ADGRL3: variants seen among roughly 807,000 people sequenced by gnomAD.
ADGRL3 encodes adhesion G protein-coupled receptor L3.
In ADGRL3, 62 loss-of-function variants were observed where a neutral mutation model predicts 153.5. The ratio of observed to expected loss-of-function variants is 0.40; its 90% CI spans 0.33 to 0.50. The LOEUF (loss-of-function observed/expected upper bound fraction) is 0.50. Among genes scored for constraint, ADGRL3 ranks in the 20% least tolerant of loss-of-function variants. The probability of loss-of-function intolerance (pLI) is 0.47; values close to 1 mark genes in which losing one functional copy is unlikely to be tolerated. For synonymous variants in ADGRL3, 710 were observed against 672.5 expected (o/e 1.06, Z -0.86); for missense variants, 1,641 against 1,859.4 (o/e 0.88, Z 2.16).
At chr4:61,608,796 A>G (rs1442385660) in intron 5 of ADGRL3, among the ~76,000 whole-genome samples, 1 of 152,214 alleles carries the variant, frequency 6.6e-6, no homozygotes, top group Admixed American at 6.5e-5. Flanking sequence ...AATATGCAAC[A>G]GCATAGAGAT....
intron 9 of ADGRL3, among the ~76,000 whole-genome samples, chr4:61,815,378 A>G (rs543989543): frequency 2.0e-5 from 3 of 152,218 alleles, no homozygotes; most frequent in Non-Finnish European, 4.4e-5. Flanking sequence ...AGTTCGAGAT[A>G]TGAGAAACAT....
Position 61,555,020 on chromosome 4 carries a change from A to G in ADGRL3, c.260-32207A>G, listed in dbSNP as rs116024409. Among the ~76,000 whole-genome samples the G allele has an allele frequency of 8.4e-3, 1,283 of 152,332 alleles. 20 individuals are homozygous for G. The highest frequency in any genetic ancestry group is 0.028 in the African/African-American group (1,169 of 41,590). On this transcript the variant is annotated intron_variant, in intron 4 of 26. Transcript: ENST00000683033. ...GTTTAGTAAAGTTTGTCCCTCTGGT[A>G]GTAAGAGCTGTCTCATTTTCTTCTT...
At chr4:62,068,107 A>G in intron 25 of ADGRL3, 59 bp from the exon 26 acceptor site, 1 of 1,177,086 alleles carries the variant, frequency 8.5e-7, no homozygotes, top group Non-Finnish European at 1.2e-6. Flanking sequence ...TGTTTCTTCT[A>G]CTGTCGCTGT....
At chr4:61,205,803 G>A (rs984416366) in intron 1 of ADGRL3, among the ~76,000 whole-genome samples, 1 of 152,144 alleles carries the variant, frequency 6.6e-6, no homozygotes, top group Non-Finnish European at 1.5e-5. Flanking sequence ...TTCATTCATT[G>A]TAATACATTG....
chr4:61,480,211 A>G (rs2098117246), intron 2 of ADGRL3, among the ~76,000 whole-genome samples: 1 of 152,002 alleles, frequency 6.6e-6, no homozygotes, highest in African/African-American at 2.4e-5. Flanking sequence ...GCCACTGTCA[A>G]CTCTCATTCT....
intron 1 of ADGRL3, among the ~76,000 whole-genome samples, chr4:61,350,792 C>G (rs1017398677): frequency 6.6e-6 from 1 of 152,100 alleles, no homozygotes; most frequent in Non-Finnish European, 1.5e-5. Flanking sequence ...TATGCATGTC[C>G]TGGCTGCTCC....
chr4:61,473,223 G>C (rs1037653875), intron 2 of ADGRL3, among the ~76,000 whole-genome samples: 1 of 149,422 alleles, frequency 6.7e-6, no homozygotes. Flanking sequence ...GTGTGTGTGT[G>C]TGTGTGTGTG....
rs200169291 is a variant in ADGRL3, at chr4:61,850,311, A to AG, written c.1480+36422_1480+36423insG. Among the ~76,000 whole-genome samples, 1,003 of 152,274 alleles carry AG rather than the reference A, an allele frequency of 6.6e-3. 6 individuals are homozygous for AG. Among genetic ancestry groups the AG allele is most frequent in the African/African-American group, 0.021 (861 of 41,576 alleles). ...GAAATTAAATATCGGTTGGTGCAAAACAATTGCAGTTTTGCCAATGGCTTT... is the reference window on the plus strand; with the variant it reads ...GAAATTAAATATCGGTTGGTGCAAAAGCAATTGCAGTTTTGCCAATGGCTTT... On this transcript the variant is annotated intron_variant, in intron 9 of 26. Coordinates refer to ENST00000683033, the MANE Select transcript of ADGRL3 (RefSeq NM_001387552.1).
intron 5 of ADGRL3, among the ~76,000 whole-genome samples, chr4:61,642,829 T>G (rs540097209): frequency 3.9e-5 from 6 of 152,270 alleles, no homozygotes; most frequent in South Asian, 4.1e-4. Context: ...GTGAAGAAAG[T>G]CATTGGTAGC....
At position 61,465,758 on chromosome 4, in the gene ADGRL3, A is replaced by AATAAATATATAT. The variant is rs71664991; in HGVS notation, c.-173-31360_-173-31359insAATATATATATA. On this transcript the variant is annotated intron_variant, in intron 2 of 26. Coordinates refer to ENST00000683033, the MANE Select transcript of ADGRL3 (RefSeq NM_001387552.1). ...ACTCTGGATTTTAAAATTATATATA[A>AATAAATATATAT]ATATATATATATATATATATCTTAT... is the stretch of plus-strand genomic sequence containing the variant. Among the ~76,000 whole-genome samples, 274 of 130,152 alleles carry AATAAATATATAT rather than the reference A, an allele frequency of 2.1e-3. 1 individual carries two copies. Among genetic ancestry groups the AATAAATATATAT allele is most frequent in the African/African-American group, 7.0e-3 (255 of 36,658 alleles). 85.4% of individuals were successfully genotyped at this position (130,152 alleles called of 152,430 possible).
At chr4:61,348,314 G>A (rs1416386938) in intron 1 of ADGRL3, among the ~76,000 whole-genome samples, 1 of 151,906 alleles carries the variant, frequency 6.6e-6, no homozygotes, top group African/African-American at 2.4e-5. Flanking sequence ...CATAATTTTT[G>A]AATGTATATT....
chr4:61,239,088 T>C (rs1027223317), intron 1 of ADGRL3, among the ~76,000 whole-genome samples: 5 of 152,150 alleles, frequency 3.3e-5, no homozygotes, highest in African/African-American at 1.2e-4. Flanking sequence ...TCCTTATAGA[T>C]AGATTGGTTG....
At chr4:61,909,383 C>G (rs2098711355) in intron 11 of ADGRL3, among the ~76,000 whole-genome samples, 177 bp from the exon 12 acceptor site, 1 of 152,042 alleles carries the variant, frequency 6.6e-6, no homozygotes, top group African/African-American at 2.4e-5. Flanking sequence ...GTCAAGTTTT[C>G]AAGAAAAAGA....
chr4:61,743,786 C>T (rs569370298), intron 8 of ADGRL3, among the ~76,000 whole-genome samples: 1 of 152,310 alleles, frequency 6.6e-6, no homozygotes, highest in African/African-American at 2.4e-5. Flanking sequence ...GTGAGTGACG[C>T]AGAAAACGGG....
rs371069893 is a variant in ADGRL3, at chr4:61,909,653, C to T, written c.1981C>T (p.Arg661Trp). 7 of 1,611,444 alleles carry T rather than the reference C, an allele frequency of 4.3e-6. No homozygotes were observed. The highest frequency in any genetic ancestry group is 1.1e-5 in the South Asian group (1 of 90,474). The change falls in exon 12 of 27, where the codon CGG becomes TGG. Residue 661 changes from arginine (R) to tryptophan (W), a missense_variant. Arg to Trp is a moderately radical substitution (Grantham distance 101). Around this residue, in one of 5 missense-constraint regions of ADGRL3, gnomAD observed 734 missense variants for 797.0 expected, o/e 0.92. Coordinates refer to ENST00000683033, the MANE Select transcript of ADGRL3 (RefSeq NM_001387552.1). ...LNAGDITYSVRAMDQLVGLLD... is the reference protein window; with the variant it reads ...LNAGDITYSVWAMDQLVGLLD... The stretch of plus-strand genomic sequence containing the variant: ...TGCTGGGGACATCACCTACTCTGTC[C>T]GGGCCATGGACCAGCTGGTAGGCCT...
At chr4:61,411,475 A>C (rs977024931) in intron 2 of ADGRL3, among the ~76,000 whole-genome samples, 1 of 152,188 alleles carries the variant, frequency 6.6e-6, no homozygotes, top group Admixed American at 6.5e-5. Context: ...CATAGATATT[A>C]TTTTGTAACA....
At chr4:61,606,135 A>G (rs898238118) in intron 5 of ADGRL3, among the ~76,000 whole-genome samples, 7 of 152,104 alleles carry the variant, frequency 4.6e-5, no homozygotes, top group African/African-American at 1.7e-4. Flanking sequence ...ATAAAAAAAA[A>G]GGGGTCACAG....
chr4:61,916,267 A>T (rs2098744706), intron 13 of ADGRL3, among the ~76,000 whole-genome samples: 1 of 152,214 alleles, frequency 6.6e-6, no homozygotes, highest in Non-Finnish European at 1.5e-5. Flanking sequence ...TACATATTTT[A>T]ATTTTAATTG....
At chr4:61,814,288 G>GA (rs1432479346) in intron 9 of ADGRL3, among the ~76,000 whole-genome samples, 1 of 148,682 alleles carries the variant, frequency 6.7e-6, no homozygotes, top group Non-Finnish European at 1.5e-5. Flanking sequence ...TTTTTCCCCT[G>GA]AAAAGTAATA....
Sources: gnomAD v4.1 joint callset for allele counts (sites outside exome capture counted in the v4.1 genomes callset) on GRCh38, gnomAD v4.1.1 for gene constraint, gnomAD v4.1.1 regional missense constraint, MANE v1.5 for transcripts, NCBI Gene and HGNC (gene_info 2026-07-23, HGNC 2026-07-21) for gene names.